Variants in PRKN observed in about 807,000 individuals in gnomAD.
PRKN encodes the protein E3 ubiquitin-protein ligase parkin.
A neutral mutation model predicts 59.5 loss-of-function variants in PRKN; 56 were observed. That is an observed-to-expected ratio of 0.94 (90% CI 0.76 to 1.18). The LOEUF (loss-of-function observed/expected upper bound fraction) is 1.18, where lower values mean the gene tolerates loss of function less well. Among genes scored for constraint, PRKN ranks in the 50% most tolerant of loss-of-function variants. The pLI is 0.00. For missense variants in PRKN, 657 were observed against 596.4 expected (o/e 1.10, Z -1.06); for synonymous variants, 250 against 222.1 (o/e 1.13, Z -1.12).
At chr6:162,519,336 T>G (rs1192311504) in intron 1 of PRKN, among the ~76,000 whole-genome samples, 1 of 152,120 alleles carries the variant, frequency 6.6e-6, no homozygotes, top group Non-Finnish European at 1.5e-5. Context: ...GTTCCAAAGG[T>G]AGCTTGAGCG....
chr6:162,501,315 T>A (rs992769670), intron 1 of PRKN, among the ~76,000 whole-genome samples: 1 of 151,840 alleles, frequency 6.6e-6, no homozygotes, highest in Non-Finnish European at 1.5e-5. Flanking sequence ...GAAATCCATA[T>A]CTTTAAACTT....
chr6:161,634,218 A>G (rs1373193672), intron 7 of PRKN, among the ~76,000 whole-genome samples: 3 of 152,168 alleles, frequency 2.0e-5, no homozygotes, highest in South Asian at 2.1e-4. Context: ...TGTAACCACA[A>G]GGTCTGGATG....
chr6:162,342,567 A>G (rs538170379), intron 2 of PRKN, among the ~76,000 whole-genome samples: 3 of 152,220 alleles, frequency 2.0e-5, no homozygotes, highest in African/African-American at 7.2e-5. Flanking sequence ...TGGACCTGGG[A>G]TTTTGACTCA....
chr6:162,327,523 C>T (rs9458524), intron 2 of PRKN, among the ~76,000 whole-genome samples: 48,271 of 130,144 alleles, frequency 0.37, 8,199 homozygotes, highest in Non-Finnish European at 0.42. Flanking sequence ...TCCTTGACGA[C>T]GGTTTTCTCT....
rs542581917 is a variant in PRKN at position 162,605,942 on chromosome 6, G to C, written c.7+121720C>G. Among the ~76,000 whole-genome samples, 44 of 152,206 alleles carry C rather than the reference G, an allele frequency of 2.9e-4. No homozygotes were observed. In the South Asian group the frequency reaches 8.7e-3, roughly 30 times the overall value. On this transcript the variant is annotated intron_variant, in intron 1 of 11. Coordinates refer to ENST00000366898, the MANE Select transcript of PRKN (RefSeq NM_004562.3). The stretch of plus-strand genomic sequence containing the variant: ...TTCTCATAAAATTTGACTATATTCA[G>C]TGACAAAAATTTTATGTAACCAAAA...
intron 10 of PRKN, among the ~76,000 whole-genome samples, chr6:161,367,013 CAG>C (rs1785232115): frequency 1.1e-5 from 1 of 93,868 alleles, no homozygotes; most frequent in African/African-American, 4.3e-5. Flanking sequence ...TTTTTTGAGA[CAG>C]AGTGTGGCTC....
Position 161,786,741 on chromosome 6 carries a change from A to G in PRKN, c.735-833T>C, listed in dbSNP as rs1790435894. Among the ~76,000 whole-genome samples the G allele has an allele frequency of 3.9e-5, 6 of 152,158 alleles. No homozygotes were observed. In the South Asian group the frequency reaches 1.2e-3, roughly 32 times the overall value. On this transcript the variant is annotated intron_variant, in intron 6 of 11. Coordinates refer to ENST00000366898, the MANE Select transcript of PRKN (RefSeq NM_004562.3). Reference sequence around the variant, plus strand: ...TTTTATTGGCAAATAAAAAAGTAGAATTTAGGGATAAAAGGTTATCCAACA... The same window carrying G: ...TTTTATTGGCAAATAAAAAAGTAGAGTTTAGGGATAAAAGGTTATCCAACA...
At chr6:161,589,769 G>T (rs921426040) in intron 7 of PRKN, among the ~76,000 whole-genome samples, 2 of 148,682 alleles carry the variant, frequency 1.3e-5, no homozygotes, top group African/African-American at 5.0e-5. Flanking sequence ...AATTGAAAAG[G>T]ATTAAATTCT....
At chr6:161,697,081 C>T (rs1786051368) in intron 7 of PRKN, among the ~76,000 whole-genome samples, 1 of 152,208 alleles carries the variant, frequency 6.6e-6, no homozygotes, top group South Asian at 2.1e-4. Context: ...ACAAACTTTT[C>T]AAGGATCCTG....
rs1784927713 is a variant in PRKN, at chr6:161,360,372, A to G, written c.1168-167T>C. 6.6e-6 allele frequency among the ~76,000 whole-genome samples: 1 copy of G among 152,220 alleles called. No homozygotes were observed. The highest frequency in any genetic ancestry group is 2.4e-5 in the African/African-American group (1 of 41,460). Reference sequence around the variant, plus strand: ...CAAATGCTAGACAGCTACTAGGCGGATGGGGACACTCTCCCTGGCATGTGG... The same window carrying G: ...CAAATGCTAGACAGCTACTAGGCGGGTGGGGACACTCTCCCTGGCATGTGG... On this transcript the variant is annotated intron_variant, in intron 10 of 11. Transcript: ENST00000366898. This position sits in a 1 kb window ranked among gnomAD's most constrained non-coding sequence, Gnocchi z 5.1.
intron 1 of PRKN, among the ~76,000 whole-genome samples, chr6:162,650,099 T>C (rs1025040681): frequency 6.6e-6 from 1 of 152,146 alleles, no homozygotes; most frequent in Admixed American, 6.5e-5. Context: ...AGGTTTACCT[T>C]TAAAAAGTTT....
At chr6:162,315,629 C>A (rs1271327676) in intron 2 of PRKN, among the ~76,000 whole-genome samples, 1 of 152,156 alleles carries the variant, frequency 6.6e-6, no homozygotes, top group Admixed American at 6.6e-5. Flanking sequence ...AGATTTACTT[C>A]TCCATGGGCA....
chr6:162,247,362 A>G (rs1205115696), intron 3 of PRKN, among the ~76,000 whole-genome samples: 1 of 152,198 alleles, frequency 6.6e-6, no homozygotes, highest in South Asian at 2.1e-4. Context: ...GTTGTTTTGT[A>G]CCAGTATATG....
intron 7 of PRKN, among the ~76,000 whole-genome samples, chr6:161,733,994 ACACACACACACAT>A (rs1787861982): frequency 6.9e-6 from 1 of 144,148 alleles, no homozygotes; most frequent in African/African-American, 2.9e-5. Context: ...ACACACACAC[ACACACACACACAT>A]ATTTGCTAAT....
intron 7 of PRKN, among the ~76,000 whole-genome samples, chr6:161,642,242 T>C (rs879850654): frequency 9.9e-5 from 15 of 152,212 alleles, no homozygotes; most frequent in Non-Finnish European, 1.0e-4. Flanking sequence ...TGTCCATAAA[T>C]GTAATCAATA....
intron 2 of PRKN, among the ~76,000 whole-genome samples, chr6:162,359,603 A>C (rs1487512714): frequency 1.3e-5 from 2 of 151,120 alleles, no homozygotes; most frequent in Non-Finnish European, 2.9e-5. Flanking sequence ...AAAAAAAAAA[A>C]ACATAAACAT....
rs905108972 is a variant in PRKN, at chr6:161,499,793, G to T, written c.1083+49061C>A. ...GAACCAAGTTCTACGAATGGGTAAA[G>T]AATTTTTATTCTCTTCTAGCTTTGA... On this transcript the variant is annotated intron_variant, in intron 9 of 11. Coordinates refer to ENST00000366898, the MANE Select transcript of PRKN (RefSeq NM_004562.3). This position sits in a 1 kb window ranked among gnomAD's most constrained non-coding sequence, Gnocchi z 4.2. Among the ~76,000 whole-genome samples the T allele has an allele frequency of 1.3e-5, 2 of 150,232 alleles. No individual in the cohort carries two copies. The highest frequency in any genetic ancestry group is 2.5e-5 in the African/African-American group (1 of 40,002).
chr6:161,997,116 G>C (rs868130057), intron 5 of PRKN, among the ~76,000 whole-genome samples: 3 of 152,080 alleles, frequency 2.0e-5, no homozygotes, highest in Non-Finnish European at 4.4e-5. Flanking sequence ...TAGCACATTC[G>C]ACGCAACGTG....
intron 2 of PRKN, among the ~76,000 whole-genome samples, chr6:162,413,449 A>C (rs2128155698): frequency 6.6e-6 from 1 of 152,338 alleles, no homozygotes; most frequent in Non-Finnish European, 1.5e-5. Flanking sequence ...AATAGAAAAA[A>C]GTTAATAAGC....
Sources: allele counts gnomAD v4.1 joint callset (sites outside exome capture counted in the v4.1 genomes callset), GRCh38; gene constraint gnomAD v4.1.1; non-coding constraint Gnocchi (gnomAD v3.1); transcripts MANE v1.5; gene names NCBI Gene and HGNC (gene_info 2026-07-23, HGNC 2026-07-21).